RRM1: variants seen among roughly 807,000 people sequenced by gnomAD.
The protein encoded by RRM1 is ribonucleotide reductase catalytic subunit M1, also known as ribonucleoside-diphosphate reductase large subunit.
A neutral mutation model predicts 101.5 loss-of-function variants in RRM1; 19 were observed. The observed-to-expected ratio is 0.19, with a 90% confidence interval of 0.13 to 0.27. The LOEUF is 0.27. Among genes scored for constraint, RRM1 ranks in the 10% least tolerant of loss-of-function variants. RRM1 has a pLI of 1.00. For synonymous variants in RRM1, 298 were observed against 323.4 expected, an observed-to-expected ratio of 0.92 and a Z score of 0.84; for missense variants, 500 against 962.9, an observed-to-expected ratio of 0.52 and a Z score of 6.36.
chr11:4,121,848 A>G, intron 10 of RRM1, 83 bp downstream of exon 10: 1 of 1,335,516 alleles, frequency 7.5e-7, no homozygotes, highest in Non-Finnish European at 1.0e-6. Context: ...CATGCTTAGG[A>G]AGAGCCCATA....
chr11:4,101,407 G>T (rs913475782), intron 1 of RRM1, among the ~76,000 whole-genome samples: 8 of 151,988 alleles, frequency 5.3e-5, no homozygotes, highest in Non-Finnish European at 1.0e-4. Flanking sequence ...CCGCCTCCTG[G>T]GTTCAAACAA....
At chr11:4,131,012 G>A (rs1735066) in intron 15 of RRM1, among the ~76,000 whole-genome samples, 7 of 152,282 alleles carry the variant, frequency 4.6e-5, no homozygotes, top group African/African-American at 1.7e-4. Flanking sequence ...AAAAAGTAGA[G>A]AACCCAGTTG....
intron 18 of RRM1, among the ~76,000 whole-genome samples, chr11:4,135,961 A>G (rs1352897762): frequency 6.6e-6 from 1 of 151,488 alleles, no homozygotes; most frequent in Non-Finnish European, 1.5e-5. Flanking sequence ...TTACACAGAG[A>G]CACAGTCTAG....
chr11:4,137,923 T>C (rs545768114), intron 18 of RRM1, among the ~76,000 whole-genome samples: 1 of 102,866 alleles, frequency 9.7e-6, no homozygotes, highest in Non-Finnish European at 2.1e-5. Context: ...CCCTCCCGGA[T>C]GGGGCAGCTG....
rs574780043 is a variant in RRM1, at chr11:4,115,370, TCA to T, written c.651-2947_651-2946del. On this transcript the variant is annotated intron_variant, in intron 7 of 18. Coordinates refer to ENST00000300738, the MANE Select transcript of RRM1 (RefSeq NM_001033.5). The stretch of plus-strand genomic sequence containing the variant: ...GAGAGAGGCTGAGGGAGATAACGAC[TCA>T]CAGAAGGGGAGAAAGTGATGTAAAG... Among the ~76,000 whole-genome samples, 475 of 152,078 alleles carry T rather than the reference TCA, an allele frequency of 3.1e-3. 1 individual carries two copies. Among genetic ancestry groups the T allele is most frequent in the African/African-American group, 0.011 (451 of 41,476 alleles).
intron 16 of RRM1, among the ~76,000 whole-genome samples, chr11:4,133,017 AC>A (rs532575350): frequency 2.3e-3 from 351 of 152,260 alleles, no homozygotes; most frequent in Non-Finnish European, 3.7e-3. Context: ...TATTCTTTTC[AC>A]TTTTGCAAAC....
chr11:4,123,623 T>C (rs1366357450), intron 12 of RRM1, among the ~76,000 whole-genome samples: 1 of 152,196 alleles, frequency 6.6e-6, no homozygotes, highest in Non-Finnish European at 1.5e-5. Flanking sequence ...CACATCACTG[T>C]AATAACATTT....
In RRM1 at chr11:4,138,506, T is replaced by A; in HGVS notation, c.*123T>A. The A allele has an allele frequency of 1.9e-6, 1 of 539,230 alleles. No homozygotes were observed. The highest frequency in any genetic ancestry group is 2.9e-6 in the Non-Finnish European group (1 of 340,850). 33.4% of individuals were successfully genotyped at this position (539,230 alleles called of 1,614,324 possible). A position where few individuals can be genotyped will look rare whatever the true frequency, so the allele number is the denominator to read the frequency against. Reference sequence around the variant, plus strand: ...TGGACCCTGTTGCAGGCAAAAGGAGTAATTGATTTAAAGTACTGTTAATGA... The same window carrying A: ...TGGACCCTGTTGCAGGCAAAAGGAGAAATTGATTTAAAGTACTGTTAATGA... On this transcript the variant is annotated 3_prime_UTR_variant, in exon 19 of 19. Transcript: ENST00000300738.
intron 1 of RRM1, among the ~76,000 whole-genome samples, chr11:4,097,447 ATTTG>A (rs939076624): frequency 2.1e-4 from 31 of 151,088 alleles, no homozygotes; most frequent in African/African-American, 3.2e-4. Flanking sequence ...ATGTACTTAG[ATTTG>A]TTTGTTTCTT....
intron 1 of RRM1, among the ~76,000 whole-genome samples, chr11:4,096,558 T>G (rs2094543770): frequency 6.6e-6 from 1 of 152,262 alleles, no homozygotes; most frequent in South Asian, 2.1e-4. Flanking sequence ...TTTTCCTAGC[T>G]CACATTTTAG....
At chr11:4,123,873 T>C (rs1290920625) in intron 12 of RRM1, among the ~76,000 whole-genome samples, 1 of 152,148 alleles carries the variant, frequency 6.6e-6, no homozygotes, top group Non-Finnish European at 1.5e-5. Flanking sequence ...AAGAGAGTCC[T>C]TTCAGTGAAT....
intron 18 of RRM1, chr11:4,137,940 C>G (rs1347667427): frequency 9.0e-6 from 1 of 111,036 alleles, no homozygotes; most frequent in Non-Finnish European, 2.0e-5. Flanking sequence ...GCTGGCCGGG[C>G]GGGGGGCTGA....
At chr11:4,119,586 C>A in intron 8 of RRM1, 1 of 378,284 alleles carries the variant, frequency 2.6e-6, no homozygotes, top group South Asian at 2.8e-5. Flanking sequence ...GATTTTGGAT[C>A]CCTTTGGCCT....
At chr11:4,105,489 C>T (rs2094556983) in intron 2 of RRM1, 8 of 356,430 alleles carry the variant, frequency 2.2e-5, no homozygotes, top group South Asian at 1.5e-4. Context: ...CCTTGGCGTC[C>T]CAAAGTGTTG....
At chr11:4,120,355 A>G (rs2094579752) in intron 9 of RRM1, among the ~76,000 whole-genome samples, 1 of 151,704 alleles carries the variant, frequency 6.6e-6, no homozygotes, top group Admixed American at 6.6e-5. Flanking sequence ...GGGTTGTAAC[A>G]TGTGCTCTAG....
chr11:4,101,373 C>T (rs936149143), intron 1 of RRM1, among the ~76,000 whole-genome samples: 3 of 151,432 alleles, frequency 2.0e-5, no homozygotes, highest in South Asian at 2.1e-4. Flanking sequence ...AATGCAATGG[C>T]GTGATCTCAG....
At chr11:4,111,410 C>CA (rs1165163692) in intron 5 of RRM1, among the ~76,000 whole-genome samples, 191 bp from the exon 6 acceptor site, 9,380 of 73,502 alleles carry the variant, frequency 0.13, 452 homozygotes, top group African/African-American at 0.21. Flanking sequence ...GACTCTGTCT[C>CA]AAAAAAAAAA....
intron 18 of RRM1, among the ~76,000 whole-genome samples, chr11:4,136,746 GTTTGTTTGT>G (rs1341068026): frequency 6.6e-6 from 1 of 151,428 alleles, no homozygotes; most frequent in Non-Finnish European, 1.5e-5. Flanking sequence ...TTGTTTGTTT[GTTTGTTTGT>G]TTTTTCTTTT....
At chr11:4,107,750 T>C (rs1307462535) in intron 4 of RRM1, among the ~76,000 whole-genome samples, 1 of 152,236 alleles carries the variant, frequency 6.6e-6, no homozygotes, top group Non-Finnish European at 1.5e-5. Context: ...CATGTGTATG[T>C]GTGTACATAC....
Sources: gnomAD v4.1 joint callset for allele counts (sites outside exome capture counted in the v4.1 genomes callset) on GRCh38, gnomAD v4.1.1 for gene constraint, MANE v1.5 for transcripts, NCBI Gene and HGNC (gene_info 2026-07-23, HGNC 2026-07-21) for gene names.